The following PDE10A variants were observed in gnomAD, a reference collection of about 807,000 sequenced individuals.
PDE10A encodes the protein phosphodiesterase 10A, also known as cAMP and cAMP-inhibited cGMP 3',5'-cyclic phosphodiesterase 10A.
Under a neutral mutation model 97.7 loss-of-function variants are expected in PDE10A, and 39 were observed. The observed-to-expected ratio is 0.40, with a 90% CI of 0.31 to 0.52. The LOEUF (loss-of-function observed/expected upper bound fraction) is 0.52, where lower values mean the gene tolerates loss of function less well. PDE10A is among the 20% of genes least tolerant of loss of function. The pLI, the probability that PDE10A is intolerant of heterozygous loss-of-function variation, is 0.56. For synonymous variants in PDE10A, 371 were observed against 376.8 expected, an observed-to-expected ratio of 0.98 and a Z score of 0.18; for missense variants, 731 against 1,047.8, an observed-to-expected ratio of 0.70 and a Z score of 4.17.
chr6:165,546,439 G>C (rs1196994767), intron 1 of PDE10A, among the ~76,000 whole-genome samples: 1 of 152,002 alleles, frequency 6.6e-6, no homozygotes, highest in African/African-American at 2.4e-5. Context: ...CAATTACAAG[G>C]TCAGGGGATC....
At chr6:165,573,846 C>A (rs569890759) in intron 1 of PDE10A, among the ~76,000 whole-genome samples, 22 of 152,234 alleles carry the variant, frequency 1.4e-4, no homozygotes, top group African/African-American at 4.6e-4. Context: ...GGGAAAAGAG[C>A]CAAGGTGCTA....
chr6:165,454,286 C>T (rs1777807961), intron 3 of PDE10A, among the ~76,000 whole-genome samples: 2 of 151,996 alleles, frequency 1.3e-5, no homozygotes, highest in Admixed American at 6.6e-5. Context: ...TAGATGAGAC[C>T]CTGGACTGAT....
At chr6:165,499,816 G>C (rs544609787) in intron 2 of PDE10A, among the ~76,000 whole-genome samples, 1 of 152,112 alleles carries the variant, frequency 6.6e-6, no homozygotes, top group Non-Finnish European at 1.5e-5. Context: ...TGAAATGAAA[G>C]TTTTTAGACA....
intron 1 of PDE10A, among the ~76,000 whole-genome samples, chr6:165,657,074 T>C (rs1790005743): frequency 6.6e-6 from 1 of 152,250 alleles, no homozygotes; most frequent in Non-Finnish European, 1.5e-5. Context: ...AGTATTTGAG[T>C]ACCTTCTCTA....
At chr6:165,908,059 G>A (rs1285909233) in intron 1 of PDE10A, among the ~76,000 whole-genome samples, 8 of 152,204 alleles carry the variant, frequency 5.3e-5, no homozygotes, top group Admixed American at 1.3e-4. Context: ...CCAAAAACCC[G>A]GAGGAACCTC....
At chr6:165,584,535 C>T (rs112122589) in intron 1 of PDE10A, among the ~76,000 whole-genome samples, 4 of 130,640 alleles carry the variant, frequency 3.1e-5, no homozygotes, top group African/African-American at 1.0e-4. Flanking sequence ...TGACAGCCAG[C>T]ACCTCTGGGG....
At chr6:165,941,072 TC>T (rs1210734356) in intron 1 of PDE10A, among the ~76,000 whole-genome samples, 1 of 152,160 alleles carries the variant, frequency 6.6e-6, no homozygotes, top group Non-Finnish European at 1.5e-5. Flanking sequence ...CTGAAGTCTG[TC>T]CGGGATTTGT....
intron 2 of PDE10A, among the ~76,000 whole-genome samples, chr6:165,516,509 A>AT (rs1303679788): frequency 6.6e-6 from 1 of 152,192 alleles, no homozygotes; most frequent in Non-Finnish European, 1.5e-5. Flanking sequence ...ACCATTGTAC[A>AT]TAAAACCTTA....
chr6:165,583,572 G>A (rs1785734358), intron 1 of PDE10A, among the ~76,000 whole-genome samples: 1 of 152,200 alleles, frequency 6.6e-6, no homozygotes, highest in Admixed American at 6.5e-5. Flanking sequence ...TTACTTCACA[G>A]CAAATGAGGT....
At chr6:165,960,051 G>C (rs1347421978) in intron 1 of PDE10A, among the ~76,000 whole-genome samples, 1 of 152,000 alleles carries the variant, frequency 6.6e-6, no homozygotes, top group African/African-American at 2.4e-5. Flanking sequence ...TAGAACCAAG[G>C]TACAGCCATC....
chr6:165,806,651 C>G (rs904397225), intron 1 of PDE10A, among the ~76,000 whole-genome samples: 1 of 151,382 alleles, frequency 6.6e-6, no homozygotes, highest in African/African-American at 2.4e-5. Flanking sequence ...TGCTGAGCGC[C>G]CCCCCCCAGG....
In PDE10A at chr6:165,847,805, T is replaced by G. The variant is rs78524759; in HGVS notation, c.-615+139724A>C. Among the ~76,000 whole-genome samples the G allele has an allele frequency of 7.3e-4, 111 of 152,358 alleles. 4 individuals are homozygous for G. The East Asian group carries it at 0.02, about 28-fold the overall frequency. ...CAAAGAGATAAGAACAAAGTTAACT[T>G]AAATCTGAACCATTAAGATGTGAAT... On this transcript the variant is annotated intron_variant, in intron 1 of 19. Transcript: ENST00000366882.
intron 1 of PDE10A, among the ~76,000 whole-genome samples, chr6:165,748,811 T>C (rs1362231646): frequency 1.4e-5 from 2 of 145,598 alleles, no homozygotes; most frequent in East Asian, 2.0e-4. Flanking sequence ...AAGAAGTTTG[T>C]GTGTGTGTGT....
At chr6:165,826,948 G>T (rs1779777107) in intron 1 of PDE10A, among the ~76,000 whole-genome samples, 1 of 152,016 alleles carries the variant, frequency 6.6e-6, no homozygotes, top group Non-Finnish European at 1.5e-5. Context: ...GGGCAGGGAG[G>T]TAGGAAGTGG....
intron 3 of PDE10A, among the ~76,000 whole-genome samples, chr6:165,454,534 T>A (rs890477938): frequency 3.3e-5 from 5 of 152,124 alleles, no homozygotes; most frequent in Admixed American, 3.3e-4. Flanking sequence ...GTGAATTAGT[T>A]ATCTCAGCAG....
Position 165,732,250 on chromosome 6 carries a change from C to T in PDE10A, c.-614-188682G>A, listed in dbSNP as rs1792456319. Among the ~76,000 whole-genome samples the T allele has an allele frequency of 2.6e-5, 4 of 152,192 alleles. No homozygotes were observed. In the South Asian group the frequency reaches 8.3e-4, roughly 31 times the overall value. ...ACAGGATTTTTATGATTTAAGGTAA[C>T]TCAAAATGATAACCTGGCCGTCTTT... On this transcript the variant is annotated intron_variant, in intron 1 of 19. Coordinates refer to the PDE10A transcript ENST00000366882.
At chr6:165,738,490 T>C (rs1230616950) in intron 1 of PDE10A, among the ~76,000 whole-genome samples, 1 of 151,724 alleles carries the variant, frequency 6.6e-6, no homozygotes, top group Non-Finnish European at 1.5e-5. Context: ...CATGTGTCTT[T>C]ATAGCAGCAT....
At chr6:165,537,698 G>C (rs1473987455) in intron 2 of PDE10A, among the ~76,000 whole-genome samples, 1 of 151,742 alleles carries the variant, frequency 6.6e-6, no homozygotes, top group Non-Finnish European at 1.5e-5. Context: ...CTCCTTTCTA[G>C]TCACCAGATG....
chr6:165,937,052 G>T (rs1056015363), intron 1 of PDE10A, among the ~76,000 whole-genome samples: 1 of 152,226 alleles, frequency 6.6e-6, no homozygotes. Context: ...CTTCCTCTAT[G>T]TAGTTCAGGG....
Sources: gnomAD v4.1 joint callset for allele counts (sites outside exome capture counted in the v4.1 genomes callset) on GRCh38, gnomAD v4.1.1 for gene constraint, MANE v1.5 for transcripts, NCBI Gene and HGNC (gene_info 2026-07-23, HGNC 2026-07-21) for gene names.